SLC39A9: variants seen among roughly 807,000 people sequenced by gnomAD.
SLC39A9 encodes solute carrier family 39 member 9.
A neutral mutation model predicts 28.4 loss-of-function variants in SLC39A9; 14 were observed. The ratio of observed to expected loss-of-function variants is 0.49; its 90% CI spans 0.33 to 0.77. The LOEUF is 0.77. Ranked by LOEUF, SLC39A9 falls within the 30% of genes least tolerant of loss-of-function variation. SLC39A9 has a pLI of 0.02. For synonymous variants in SLC39A9, 119 were observed against 149.6 expected (o/e 0.80, Z 1.49); for missense variants, 283 against 381.1 (o/e 0.74, Z 2.14).
At chr14:69,436,749 A>C (rs1884780847) in intron 2 of SLC39A9, among the ~76,000 whole-genome samples, 1 of 152,084 alleles carries the variant, frequency 6.6e-6, no homozygotes, top group Admixed American at 6.6e-5. Flanking sequence ...TGTTTTGCAA[A>C]CAGACCCCAT....
intron 2 of SLC39A9, among the ~76,000 whole-genome samples, chr14:69,433,402 T>C (rs1035381618): frequency 2.6e-5 from 4 of 152,236 alleles, no homozygotes; most frequent in African/African-American, 9.6e-5. Flanking sequence ...GGTTTTCCTT[T>C]CTAACAACAT....
rs536340827 is a variant in SLC39A9, at chr14:69,418,133, C to T, written c.97-5961C>T. Among the ~76,000 whole-genome samples, 14 of 152,116 alleles carry T rather than the reference C, an allele frequency of 9.2e-5. No individual in the cohort carries two copies. In the East Asian group the frequency reaches 1.7e-3, roughly 19 times the overall value. On this transcript the variant is annotated intron_variant, in intron 1 of 6. Transcript: ENST00000336643. ...CATAAATAGCTATTATTTTGAGGTACGTCCCATCAGTACCTAGTTTATTGA... is the reference window on the plus strand; with the variant it reads ...CATAAATAGCTATTATTTTGAGGTATGTCCCATCAGTACCTAGTTTATTGA...
intron 1 of SLC39A9, among the ~76,000 whole-genome samples, chr14:69,407,219 T>G (rs767079409): frequency 2.0e-5 from 3 of 151,924 alleles, no homozygotes; most frequent in Non-Finnish European, 2.9e-5. Context: ...GATAATTACA[T>G]CAAACTATCT....
chr14:69,452,937 A>AC (rs1885683943), intron 3 of SLC39A9, among the ~76,000 whole-genome samples: 1 of 152,228 alleles, frequency 6.6e-6, no homozygotes, highest in Non-Finnish European at 1.5e-5. Flanking sequence ...TGGGGGTTAC[A>AC]CATTTCAGTG....
At chr14:69,432,817 C>G (rs1884562151) in intron 2 of SLC39A9, among the ~76,000 whole-genome samples, 1 of 151,554 alleles carries the variant, frequency 6.6e-6, no homozygotes, top group East Asian at 1.9e-4. Context: ...CCTCCATGGT[C>G]ACTTTGTTGA....
In SLC39A9 at chr14:69,439,856, G is replaced by A. The variant is rs115180156; in HGVS notation, c.206-2213G>A. Among the ~76,000 whole-genome samples, 450 of 152,196 alleles carry A rather than the reference G, an allele frequency of 3.0e-3. 3 individuals are homozygous for A. The highest frequency in any genetic ancestry group is 0.01 in the African/African-American group (433 of 41,504). On this transcript the variant is annotated intron_variant, in intron 2 of 6. Coordinates refer to ENST00000336643, the MANE Select transcript of SLC39A9 (RefSeq NM_018375.5). ...GAAGCTTCCTGAGATCCTCAGATTC[G>A]TGCTTCTTGGACAGCCTGCAGAACT...
intron 1 of SLC39A9, among the ~76,000 whole-genome samples, chr14:69,409,288 A>G (rs902580218): frequency 3.3e-5 from 5 of 152,172 alleles, no homozygotes; most frequent in Admixed American, 2.0e-4. Flanking sequence ...ATAACCTGGT[A>G]GTATATCATA....
At chr14:69,446,943 TATATAG>T (rs1485347732) in intron 3 of SLC39A9, among the ~76,000 whole-genome samples, 13 of 131,508 alleles carry the variant, frequency 9.9e-5, no homozygotes, top group East Asian at 6.5e-4. Flanking sequence ...TATATATATA[TATATAG>T]AGAGAGAGAG....
intron 2 of SLC39A9, among the ~76,000 whole-genome samples, chr14:69,425,256 T>G (rs1007165355): frequency 6.6e-6 from 1 of 152,244 alleles, no homozygotes; most frequent in African/African-American, 2.4e-5. Flanking sequence ...AATACACTCC[T>G]AAAACAGGAA....
intron 3 of SLC39A9, among the ~76,000 whole-genome samples, chr14:69,443,184 T>G (rs2139429154): frequency 6.6e-6 from 1 of 152,356 alleles, no homozygotes; most frequent in East Asian, 1.9e-4. Context: ...ATTTGAGAGT[T>G]ATAAAACTTC....
At chr14:69,420,772 A>G (rs1196179002) in intron 1 of SLC39A9, among the ~76,000 whole-genome samples, 2 of 152,050 alleles carry the variant, frequency 1.3e-5, no homozygotes, top group Non-Finnish European at 2.9e-5. Flanking sequence ...ACTTTCTTCC[A>G]CTTGATCGAA....
At chr14:69,439,776 C>T (rs1364758366) in intron 2 of SLC39A9, among the ~76,000 whole-genome samples, 2 of 152,156 alleles carry the variant, frequency 1.3e-5, no homozygotes, top group Admixed American at 1.3e-4. Flanking sequence ...CATGGCACCC[C>T]TCCCCTCTCT....
At chr14:69,400,954 C>CT (rs1882597876) in intron 1 of SLC39A9, among the ~76,000 whole-genome samples, 1 of 150,480 alleles carries the variant, frequency 6.6e-6, no homozygotes, top group Admixed American at 6.6e-5. Flanking sequence ...AGGAGTTGGC[C>CT]TGGGCAACAT....
intron 1 of SLC39A9, among the ~76,000 whole-genome samples, chr14:69,414,750 T>C (rs1219029076): frequency 1.3e-5 from 2 of 152,248 alleles, no homozygotes. Flanking sequence ...TCTGTTATTC[T>C]AGAAAGTAAC....
At chr14:69,423,024 T>C (rs983826947) in intron 1 of SLC39A9, among the ~76,000 whole-genome samples, 2 of 152,242 alleles carry the variant, frequency 1.3e-5, no homozygotes, top group Non-Finnish European at 2.9e-5. Flanking sequence ...TTAGCATTGA[T>C]GTCTAAATAC....
At chr14:69,405,814 A>G (rs186527882) in intron 1 of SLC39A9, among the ~76,000 whole-genome samples, 3 of 152,342 alleles carry the variant, frequency 2.0e-5, no homozygotes, top group African/African-American at 2.4e-5. Context: ...ATTGATAAAC[A>G]TAATTAAGAC....
chr14:69,422,078 C>G (rs1364850120), intron 1 of SLC39A9, among the ~76,000 whole-genome samples: 1 of 152,182 alleles, frequency 6.6e-6, no homozygotes, highest in Non-Finnish European at 1.5e-5. Flanking sequence ...AATCACCTGT[C>G]TTCTGCGTCG....
chr14:69,434,177 G>A (rs529304987), intron 2 of SLC39A9, among the ~76,000 whole-genome samples: 106 of 149,882 alleles, frequency 7.1e-4, no homozygotes, highest in African/African-American at 2.5e-3. Context: ...TCCATCTTCC[G>A]GGTTCAAGCA....
chr14:69,438,730 A>G (rs1040793684), intron 2 of SLC39A9, among the ~76,000 whole-genome samples: 16 of 152,364 alleles, frequency 1.1e-4, no homozygotes, highest in African/African-American at 3.6e-4. Flanking sequence ...AGGAAGGTAG[A>G]CTATTGGGTC....
Sources: allele counts gnomAD v4.1 joint callset (sites outside exome capture counted in the v4.1 genomes callset), GRCh38; gene constraint gnomAD v4.1.1; transcripts MANE v1.5; gene names NCBI Gene and HGNC (gene_info 2026-07-23, HGNC 2026-07-21).